Variants in ITGA9 observed in about 807,000 individuals in gnomAD.
ITGA9 encodes the protein integrin alpha-9.
In ITGA9, 56 loss-of-function variants were observed where a neutral mutation model predicts 127.8. That is an observed-to-expected ratio of 0.44 (90% CI 0.35 to 0.55). ITGA9 has a LOEUF of 0.55. ITGA9 is among the 20% of genes least tolerant of loss of function. The pLI is 0.00. For synonymous variants in ITGA9, 508 were observed against 514.5 expected (o/e 0.99, Z 0.17); for missense variants, 1,196 against 1,347.1 (o/e 0.89, Z 1.76).
intron 15 of ITGA9, among the ~76,000 whole-genome samples, chr3:37,564,393 G>A (rs1187769563): frequency 6.6e-6 from 1 of 152,120 alleles, no homozygotes; most frequent in Non-Finnish European, 1.5e-5. Context: ...GATCTCTGGG[G>A]TCCTCACCAT....
At chr3:37,663,339 C>T (rs1251421839) in intron 17 of ITGA9, among the ~76,000 whole-genome samples, 1 of 152,146 alleles carries the variant, frequency 6.6e-6, no homozygotes, top group Admixed American at 6.5e-5. Context: ...CATTTCATTG[C>T]TGTCTGGCTA....
rs115941680 is a variant in ITGA9, at chr3:37,565,451, A to G, written c.1689+22866A>G. Among the ~76,000 whole-genome samples the G allele has an allele frequency of 3.5e-3, 531 of 152,350 alleles. 3 individuals carry two copies. The highest frequency in any genetic ancestry group is 5.1e-3 in the Non-Finnish European group (347 of 68,042). On this transcript the variant is annotated intron_variant, in intron 15 of 27. Transcript: ENST00000264741. ...CGGAGGTCAAAGATACAGAAAGATA[A>G]TTGCCATATATGCTATGCAGCCAGT...
At chr3:37,648,359 C>T (rs769509620) in intron 16 of ITGA9, among the ~76,000 whole-genome samples, 16 of 152,168 alleles carry the variant, frequency 1.1e-4, no homozygotes, top group Non-Finnish European at 2.1e-4. Flanking sequence ...AACAGTGCCT[C>T]ATACCTGTAA....
At chr3:37,551,019 A>G (rs1413704289) in intron 15 of ITGA9, among the ~76,000 whole-genome samples, 3 of 152,170 alleles carry the variant, frequency 2.0e-5, no homozygotes, top group Admixed American at 6.5e-5. Context: ...CAGATGTTTG[A>G]TTATCAGAGT....
At chr3:37,508,270 A>T (rs1698865784) in intron 7 of ITGA9, among the ~76,000 whole-genome samples, 1 of 152,202 alleles carries the variant, frequency 6.6e-6, no homozygotes. Flanking sequence ...CTCAGAGTTG[A>T]ATTGTTTACT....
At chr3:37,767,750 T>C (rs913707281) in intron 23 of ITGA9, among the ~76,000 whole-genome samples, 1 of 152,158 alleles carries the variant, frequency 6.6e-6, no homozygotes, top group Non-Finnish European at 1.5e-5. Flanking sequence ...CACAGAGGGG[T>C]AAATATCAGA....
At chr3:37,655,826 G>A (rs1165822548) in intron 17 of ITGA9, among the ~76,000 whole-genome samples, 1 of 152,066 alleles carries the variant, frequency 6.6e-6, no homozygotes, top group Non-Finnish European at 1.5e-5. Context: ...TATGGTTTTA[G>A]GTCTTACGTT....
chr3:37,817,067 CCTT>C (rs1332883677), intron 27 of ITGA9, among the ~76,000 whole-genome samples: 1 of 152,188 alleles, frequency 6.6e-6, no homozygotes. Context: ...ACCTGCCTTC[CCTT>C]CTTCAGGGGA....
At chr3:37,544,480 A>G (rs1699306724) in intron 15 of ITGA9, among the ~76,000 whole-genome samples, 1 of 152,212 alleles carries the variant, frequency 6.6e-6, no homozygotes, top group Non-Finnish European at 1.5e-5. Flanking sequence ...TTTATCTGAA[A>G]TTTAAATTTA....
Position 37,517,562 on chromosome 3 carries a change from G to A in ITGA9, c.1094G>A (p.Gly365Glu). ...TGDGAYNAHFGESIASLDDLD... is the reference protein window; with the variant it reads ...TGDGAYNAHFEESIASLDDLD... ...GATGGTGCCTACAATGCGCACTTTG[G>A]AGAGAGCATTGCCAGCCTGGACGAT... Residue 365 changes from glycine (G) to glutamate (E), a missense_variant, in exon 10 of 28, where the codon GGA becomes GAA. Transcript: ENST00000264741. The A allele has an allele frequency of 6.3e-7, 1 of 1,598,828 alleles. No individual in the cohort carries two copies. Among genetic ancestry groups the A allele is most frequent in the Non-Finnish European group, 8.5e-7 (1 of 1,172,648 alleles).
In ITGA9 at chr3:37,739,969, T is replaced by C. The variant is rs190594398; in HGVS notation, c.2235-1761T>C. Reference sequence around the variant, plus strand: ...TGTGGGCACCTGATCCTGCTGCTTTTGCAAACTGTGGATGCCCCTGAGGGA... The same window carrying C: ...TGTGGGCACCTGATCCTGCTGCTTTCGCAAACTGTGGATGCCCCTGAGGGA... On this transcript the variant is annotated intron_variant, in intron 20 of 27. Coordinates refer to ENST00000264741, the MANE Select transcript of ITGA9 (RefSeq NM_002207.3). Among the ~76,000 whole-genome samples, 419 of 152,322 alleles carry C rather than the reference T, an allele frequency of 2.8e-3. 3 individuals carry two copies. The highest frequency in any genetic ancestry group is 4.5e-3 in the Non-Finnish European group (304 of 68,020).
intron 15 of ITGA9, among the ~76,000 whole-genome samples, chr3:37,580,293 A>G (rs909763502): frequency 3.3e-5 from 5 of 152,248 alleles, no homozygotes; most frequent in African/African-American, 4.8e-5. Context: ...ATCTAGTTAC[A>G]TAAATTTATG....
At chr3:37,595,867 C>T (rs1226664091) in intron 15 of ITGA9, among the ~76,000 whole-genome samples, 9 of 152,156 alleles carry the variant, frequency 5.9e-5, no homozygotes, top group Non-Finnish European at 8.8e-5. Flanking sequence ...TGCCTAGGCC[C>T]GAGAGGCCAT....
chr3:37,460,379 A>G (rs1698303385), intron 1 of ITGA9, among the ~76,000 whole-genome samples: 1 of 152,252 alleles, frequency 6.6e-6, no homozygotes, highest in East Asian at 1.9e-4. Flanking sequence ...CTAGTATTTG[A>G]TAGCACAACA....
At chr3:37,537,166 G>A (rs166509) in intron 14 of ITGA9, among the ~76,000 whole-genome samples, 58,109 of 152,120 alleles carry the variant, frequency 0.38, 13,015 homozygotes, top group East Asian at 0.72. Context: ...TCTGAGGAGG[G>A]GGCTGGTGCT....
intron 15 of ITGA9, among the ~76,000 whole-genome samples, chr3:37,621,770 A>G (rs987051561): frequency 2.6e-5 from 4 of 152,212 alleles, no homozygotes; most frequent in Non-Finnish European, 4.4e-5. Flanking sequence ...AGGGTTATAC[A>G]TTTCAGACTA....
At chr3:37,749,819 C>A in intron 22 of ITGA9, 1 of 154,458 alleles carries the variant, frequency 6.5e-6, no homozygotes, top group Non-Finnish European at 1.4e-5. Context: ...AAAAACAGCC[C>A]TTTCTGTATA....
intron 15 of ITGA9, among the ~76,000 whole-genome samples, chr3:37,562,270 G>T (rs1699499255): frequency 6.6e-6 from 1 of 151,976 alleles, no homozygotes; most frequent in Non-Finnish European, 1.5e-5. Flanking sequence ...TCCTATTTCT[G>T]CCCCGGAGCA....
Position 37,523,736 on chromosome 3 carries a change from A to C in ITGA9, c.1327+125A>C. The C allele has an allele frequency of 7.8e-6, 6 of 767,668 alleles. No homozygotes were observed. The South Asian group carries it at 8.7e-5, about 11-fold the overall frequency. The allele number at this position is 767,668 out of a possible 1,614,324, so 47.6% of individuals were successfully genotyped here. A position where few individuals can be genotyped will look rare whatever the true frequency, so the allele number is the denominator to read the frequency against. ...ATTAGGACAATTCACACAATAGAAT[A>C]GGGTGTTTTGCCTGGTGTTCAATTT... On this transcript the variant is annotated intron_variant, in intron 12 of 27. Coordinates refer to ENST00000264741, the MANE Select transcript of ITGA9 (RefSeq NM_002207.3).
Sources: gnomAD v4.1 joint callset for allele counts (sites outside exome capture counted in the v4.1 genomes callset) on GRCh38, gnomAD v4.1.1 for gene constraint, MANE v1.5 for transcripts, NCBI Gene and HGNC (gene_info 2026-07-23, HGNC 2026-07-21) for gene names.